TSGA10: variants seen among roughly 807,000 people sequenced by gnomAD.
TSGA10 encodes testis-specific gene 10 protein.
TSGA10 carries 43 observed loss-of-function variants against 96.6 expected under a neutral mutation model. The observed-to-expected ratio is 0.44, with a 90% CI of 0.35 to 0.57. The LOEUF is 0.57. TSGA10 is among the 20% of genes least tolerant of loss of function. The probability of loss-of-function intolerance (pLI) is 0.01; values close to 1 mark genes in which losing one functional copy is unlikely to be tolerated. For missense variants in TSGA10, 703 were observed against 834.4 expected (o/e 0.84, Z 1.94); for synonymous variants, 229 against 269.9 (o/e 0.85, Z 1.48).
intron 1 of TSGA10, chr2:99,147,359 A>T: frequency 9.3e-7 from 1 of 1,075,068 alleles, no homozygotes; most frequent in Non-Finnish European, 1.4e-6. Flanking sequence ...CTCCAGATTG[A>T]TTTATCTCTT....
At chr2:99,088,652 A>G (rs1558976587) in intron 10 of TSGA10, among the ~76,000 whole-genome samples, 2 of 152,218 alleles carry the variant, frequency 1.3e-5, no homozygotes, top group South Asian at 4.1e-4. Context: ...AATTAAATGC[A>G]TGCTTACCAT....
chr2:99,005,033 G>A (rs1417958723), intron 20 of TSGA10, among the ~76,000 whole-genome samples: 6 of 152,118 alleles, frequency 3.9e-5, no homozygotes, highest in African/African-American at 1.4e-4. Context: ...CAGAACCAAA[G>A]ACAAAAACCA....
At chr2:99,045,933 G>C (rs190810943) in intron 16 of TSGA10, among the ~76,000 whole-genome samples, 124 of 152,206 alleles carry the variant, frequency 8.1e-4, no homozygotes, top group Non-Finnish European at 1.5e-3. Context: ...CCTGGTCTCT[G>C]ATAAAACAGA....
At chr2:99,138,078 A>C (rs2093398599) in intron 1 of TSGA10, among the ~76,000 whole-genome samples, 2 of 152,202 alleles carry the variant, frequency 1.3e-5, no homozygotes, top group Admixed American at 1.3e-4. Context: ...GTAAGAATTA[A>C]ATTTCTGTTG....
At chr2:99,101,804 C>T (rs1412302908) in intron 10 of TSGA10, among the ~76,000 whole-genome samples, 2 of 152,148 alleles carry the variant, frequency 1.3e-5, no homozygotes, top group Non-Finnish European at 2.9e-5. Flanking sequence ...AGAAATACTA[C>T]TCAATACTCC....
At chr2:99,124,458 T>A (rs2092723985) in intron 2 of TSGA10, among the ~76,000 whole-genome samples, 1 of 152,198 alleles carries the variant, frequency 6.6e-6, no homozygotes, top group South Asian at 2.1e-4. Flanking sequence ...TACAAAAAAT[T>A]GATTAGGAAG....
At position 99,110,928 on chromosome 2, in the gene TSGA10, T is replaced by TAA. The variant is rs11352300; in HGVS notation, c.-139-15_-139-14dup. 61 of 550,724 alleles carry TAA rather than the reference T, an allele frequency of 1.1e-4. No individual in the cohort carries two copies. Among genetic ancestry groups the TAA allele is most frequent in the Non-Finnish European group, 1.2e-4 (54 of 440,368 alleles). 34.1% of individuals were successfully genotyped at this position (550,724 alleles called of 1,614,324 possible). On this transcript the variant is annotated splice_polypyrimidine_tract_variant and intron_variant, in intron 4 of 20. Coordinates refer to ENST00000393483, the MANE Select transcript of TSGA10 (RefSeq NM_025244.4). ...AAATGAGATCAATCTGAAGAAAAAGTAAAAAAAAAAAAAATTATTTCTATT... is the reference window on the plus strand; with the variant it reads ...AAATGAGATCAATCTGAAGAAAAAGTAAAAAAAAAAAAAAAATTATTTCTATT...
chr2:99,110,828 T>C (rs1435194205), intron 5 of TSGA10, 22 bp downstream of exon 5: 7 of 615,190 alleles, frequency 1.1e-5, no homozygotes, highest in Non-Finnish European at 1.4e-5. Flanking sequence ...CCGTAACACA[T>C]ATTTATGAAA....
rs546845834 is a variant in TSGA10 at position 99,076,040 on chromosome 2, T to C, written c.882+2619A>G. 9.2e-5 allele frequency among the ~76,000 whole-genome samples: 14 copies of C among 152,200 alleles called. No individual in the cohort carries two copies. In the South Asian group the frequency reaches 1.0e-3, roughly 11 times the overall value. On this transcript the variant is annotated intron_variant, in intron 12 of 20. Transcript: ENST00000393483. ...TTATGTTCATGATTCCCAAATCTAT[T>C]AACTTTAATTAAATTTTCCTCCAAA...
At chr2:99,148,879 C>T (rs1350163533) in intron 1 of TSGA10, among the ~76,000 whole-genome samples, 2 of 151,650 alleles carry the variant, frequency 1.3e-5, no homozygotes, top group African/African-American at 4.9e-5. Context: ...ATGATGTTTG[C>T]ACAAAAATGT....
chr2:99,056,767 T>C (rs986469501), intron 16 of TSGA10, among the ~76,000 whole-genome samples: 1 of 142,884 alleles, frequency 7.0e-6, no homozygotes. Context: ...AGACAACACA[T>C]TACAAGAAAA....
chr2:99,018,627 T>C lies in TSGA10; in HGVS notation c.1831A>G (p.Arg611Gly). Residue 611 changes from arginine (R) to glycine (G), a missense_variant, in exon 19 of 21, where the codon AGA becomes GGA. By Grantham distance (125) the Arg-to-Gly change is moderately radical. This residue lies in a region of TSGA10 where 49 missense variants were observed against 96.4 expected (regional missense o/e 0.51). Transcript: ENST00000393483. Reference protein sequence around the residue: ...LAENKMAIQSRDVAQFRNVVT... With the variant: ...LAENKMAIQSGDVAQFRNVVT... ...ACATTTCTGAACTGGGCCACATCTCTACTCTGGATGGCCCTGTTTAAAAGA... is the reference window on the plus strand; with the variant it reads ...ACATTTCTGAACTGGGCCACATCTCCACTCTGGATGGCCCTGTTTAAAAGA... The C allele has an allele frequency of 1.2e-6, 2 of 1,612,594 alleles. No individual in the cohort carries two copies.
In TSGA10 at chr2:99,154,877, G is replaced by C. The variant is rs1222221498; in HGVS notation, c.-805C>G. 2.7e-6 allele frequency: 1 copy of C among 365,122 alleles called. No homozygotes were observed. Among genetic ancestry groups the C allele is most frequent in the Non-Finnish European group, 5.5e-6 (1 of 182,502 alleles). 22.6% of individuals were successfully genotyped at this position (365,122 alleles called of 1,614,324 possible). ...GCTGCCGGGACCCCACGGCTCCGCA[G>C]GCGGAGAGACTAGGCGCGATCCCTG... On this transcript the variant is annotated 5_prime_UTR_variant, in exon 1 of 21. Coordinates refer to ENST00000393483, the MANE Select transcript of TSGA10 (RefSeq NM_025244.4).
At chr2:99,065,259 C>T in intron 15 of TSGA10, 135 bp from the exon 16 acceptor site, 2 of 935,078 alleles carry the variant, frequency 2.1e-6, no homozygotes, top group South Asian at 2.1e-5. Context: ...TATATCTATA[C>T]TCTTAGTTTA....
At position 99,017,878 on chromosome 2, in the gene TSGA10, G is replaced by A. The variant is rs375452555; in HGVS notation, c.2072+322C>T. 9.2e-5 allele frequency among the ~76,000 whole-genome samples: 14 copies of A among 151,942 alleles called. No individual in the cohort carries two copies. In the East Asian group the frequency reaches 1.9e-3, roughly 21 times the overall value. On this transcript the variant is annotated intron_variant, in intron 20 of 20. Coordinates refer to ENST00000393483, the MANE Select transcript of TSGA10 (RefSeq NM_025244.4). ...TGGGTACAGTGCACACTGTTTGGGTGTTGGATGCACCAAAATCTCAAAAAT... is the reference window on the plus strand; with the variant it reads ...TGGGTACAGTGCACACTGTTTGGGTATTGGATGCACCAAAATCTCAAAAAT...
chr2:99,111,126 TC>T (rs2091773124), intron 4 of TSGA10, among the ~76,000 whole-genome samples: 1 of 152,156 alleles, frequency 6.6e-6, no homozygotes, highest in Non-Finnish European at 1.5e-5. Context: ...TTAAATTCAA[TC>T]TTTTGTATAA....
At chr2:99,081,838 G>A (rs1250086463) in intron 10 of TSGA10, among the ~76,000 whole-genome samples, 6 of 125,784 alleles carry the variant, frequency 4.8e-5, no homozygotes, top group Non-Finnish European at 8.6e-5. Context: ...GAGAAGGTCA[G>A]ACTAGAGAAA....
chr2:99,124,065 C>T (rs1180817556), intron 2 of TSGA10, among the ~76,000 whole-genome samples: 1 of 152,180 alleles, frequency 6.6e-6, no homozygotes, highest in Admixed American at 6.5e-5. Context: ...ATGATTTTCA[C>T]CAAGGTGGCT....
intron 1 of TSGA10, among the ~76,000 whole-genome samples, chr2:99,152,481 T>TA (rs1453406560): frequency 6.6e-6 from 1 of 152,152 alleles, no homozygotes; most frequent in Non-Finnish European, 1.5e-5. Context: ...GACAGAGTCT[T>TA]ACAATGTTAC....
Sources: allele counts gnomAD v4.1 joint callset (sites outside exome capture counted in the v4.1 genomes callset), GRCh38; gene constraint gnomAD v4.1.1; regional missense constraint gnomAD v4.1.1; transcripts MANE v1.5; gene names NCBI Gene and HGNC (gene_info 2026-07-23, HGNC 2026-07-21).